ATP6V0A4: variants seen among roughly 807,000 people sequenced by gnomAD.
ATP6V0A4 encodes the protein ATPase H+ transporting V0 subunit a4.
ATP6V0A4 carries 86 observed loss-of-function variants against 107.3 expected under a neutral mutation model. The ratio of observed to expected loss-of-function variants is 0.80; its 90% CI spans 0.67 to 0.96. ATP6V0A4 has a LOEUF of 0.96. Among genes scored for constraint, ATP6V0A4 ranks in the 40% least tolerant of loss-of-function variants. The pLI is 0.00. For missense variants in ATP6V0A4, 908 were observed against 1,045.6 expected, an observed-to-expected ratio of 0.87 and a Z score of 1.81; for synonymous variants, 353 against 381.4, an observed-to-expected ratio of 0.93 and a Z score of 0.87.
chr7:138,709,257 A>G (rs945487253), intron 21 of ATP6V0A4, among the ~76,000 whole-genome samples: 2 of 151,044 alleles, frequency 1.3e-5, no homozygotes, highest in Non-Finnish European at 1.5e-5. Context: ...TTTTCTAAGC[A>G]TGTCTTCTGT....
intron 13 of ATP6V0A4, among the ~76,000 whole-genome samples, chr7:138,746,754 A>G (rs142459198): frequency 0.011 from 1,668 of 152,128 alleles, 35 homozygotes; most frequent in African/African-American, 0.038. Context: ...CCCACCCACC[A>G]TGGCCTCCCA....
chr7:138,707,638 G>A lies in ATP6V0A4; in HGVS notation c.2430-921C>T, dbSNP rs528139391. On this transcript the variant is annotated intron_variant, in intron 21 of 21. Transcript: ENST00000310018. Reference sequence around the variant, plus strand: ...GCTGGTCTCGAACTCCTGACCTCAGGTGATCCACACACCTCAGCCTCCCAA... The same window carrying A: ...GCTGGTCTCGAACTCCTGACCTCAGATGATCCACACACCTCAGCCTCCCAA... 2.5e-3 allele frequency among the ~76,000 whole-genome samples: 383 copies of A among 151,214 alleles called. 4 individuals are homozygous for A. Among genetic ancestry groups the A allele is most frequent in the Non-Finnish European group, 2.3e-3 (156 of 67,918 alleles).
At chr7:138,759,196 A>C (rs1282106800) in intron 8 of ATP6V0A4, among the ~76,000 whole-genome samples, 3 of 151,296 alleles carry the variant, frequency 2.0e-5, no homozygotes, top group African/African-American at 4.9e-5. Flanking sequence ...AGTAGCTGGG[A>C]CTACCGGTGT....
intron 17 of ATP6V0A4, among the ~76,000 whole-genome samples, chr7:138,731,831 C>T (rs893217118): frequency 6.6e-6 from 1 of 151,332 alleles, no homozygotes; most frequent in African/African-American, 2.4e-5. Context: ...AGGCGGAGGT[C>T]GCAATGAGCC....
At chr7:138,775,004 TTGCCC>T (rs1807593619) in intron 2 of ATP6V0A4, among the ~76,000 whole-genome samples, 2 of 152,054 alleles carry the variant, frequency 1.3e-5, no homozygotes, top group Non-Finnish European at 2.9e-5. Flanking sequence ...TGCATTTCTC[TTGCCC>T]AGGGGTGCGG....
chr7:138,749,801 T>C (rs991517345), intron 11 of ATP6V0A4, among the ~76,000 whole-genome samples: 3 of 152,142 alleles, frequency 2.0e-5, no homozygotes, highest in Admixed American at 6.5e-5. Context: ...TCCCTGCCCC[T>C]TCAGCAGAGC....
intron 20 of ATP6V0A4, among the ~76,000 whole-genome samples, chr7:138,710,058 C>T (rs1014875934): frequency 2.6e-5 from 4 of 152,008 alleles, no homozygotes; most frequent in African/African-American, 9.7e-5. Flanking sequence ...CAGGTTCTCA[C>T]TGTGTCACCC....
At chr7:138,744,972 G>A in intron 14 of ATP6V0A4, 151 bp downstream of exon 14, 2 of 774,648 alleles carry the variant, frequency 2.6e-6, no homozygotes, top group South Asian at 2.9e-5. Context: ...CAGAGCACTG[G>A]GATTACAGGC....
intron 8 of ATP6V0A4, among the ~76,000 whole-genome samples, chr7:138,759,255 A>C (rs979193204): frequency 1.3e-5 from 2 of 150,994 alleles, no homozygotes; most frequent in African/African-American, 4.9e-5. Flanking sequence ...TTTTCTTGCT[A>C]TGTTGCCCAG....
At chr7:138,737,115 A>ATATATATATATATATCTATATATATATAT (rs540225443) in intron 15 of ATP6V0A4, among the ~76,000 whole-genome samples, 1 of 86,718 alleles carries the variant, frequency 1.2e-5, no homozygotes, top group Non-Finnish European at 2.1e-5. Flanking sequence ...AGCCCTTATT[A>ATATATATATATATATCTATATATATATAT]ATATATATAT....
Position 138,798,191 on chromosome 7 carries a change from C to G in ATP6V0A4, c.-278G>C, listed in dbSNP as rs1417734001. ...TCCACTCGGCTTGCTCGGCAGGTAG[C>G]GTTATGAGCTTTATTCATGGCCAGG... On this transcript the variant is annotated 5_prime_UTR_variant, in exon 1 of 22. Transcript: ENST00000310018. 1 of 1,585,394 alleles carries G rather than the reference C, an allele frequency of 6.3e-7. No individual in the cohort carries two copies. The highest frequency in any genetic ancestry group is 1.8e-5 in the Admixed American group (1 of 54,854).
chr7:138,726,981 G>C (rs34093718), intron 18 of ATP6V0A4, among the ~76,000 whole-genome samples: 2,971 of 152,116 alleles, frequency 0.02, 45 homozygotes, highest in Non-Finnish European at 0.028. Context: ...TTACAGTCCT[G>C]GAACTCAGGA....
At chr7:138,731,872 G>A (rs1185105063) in intron 17 of ATP6V0A4, among the ~76,000 whole-genome samples, 1 of 151,634 alleles carries the variant, frequency 6.6e-6, no homozygotes, top group Non-Finnish European at 1.5e-5. Flanking sequence ...CAGCCTGGGT[G>A]ACAGAGTGGG....
Position 138,727,266 on chromosome 7 carries a change from AG to A in ATP6V0A4, c.2010+1494del, listed in dbSNP as rs768352912. On this transcript the variant is annotated intron_variant, in intron 18 of 21. Coordinates refer to ENST00000310018, the MANE Select transcript of ATP6V0A4 (RefSeq NM_020632.3). Reference sequence around the variant, plus strand: ...TGAATAGCCACTGCACTCTGGCCTCAGAGACAGAGAGAGACCTTGTCTCTAG... The same window carrying A: ...TGAATAGCCACTGCACTCTGGCCTCAAGACAGAGAGAGACCTTGTCTCTAG... 3.3e-5 allele frequency among the ~76,000 whole-genome samples: 5 copies of A among 152,220 alleles called. No individual in the cohort carries two copies. In the East Asian group the frequency reaches 5.8e-4, roughly 18 times the overall value.
intron 1 of ATP6V0A4, among the ~76,000 whole-genome samples, chr7:138,794,064 C>T (rs569532268): frequency 6.6e-6 from 1 of 152,326 alleles, no homozygotes; most frequent in East Asian, 1.9e-4. Context: ...AGACCCATCA[C>T]TGAAGGGCAG....
At chr7:138,768,448 A>G (rs1807202230) in intron 5 of ATP6V0A4, among the ~76,000 whole-genome samples, 1 of 152,158 alleles carries the variant, frequency 6.6e-6, no homozygotes. Context: ...GCCCACACTC[A>G]GCCCATTCAG....
chr7:138,751,041 C>T (rs1170133165), intron 11 of ATP6V0A4, among the ~76,000 whole-genome samples: 4 of 152,058 alleles, frequency 2.6e-5, no homozygotes, highest in Admixed American at 6.6e-5. Flanking sequence ...CTATCAATGC[C>T]GCCTGCTCAG....
intron 15 of ATP6V0A4, among the ~76,000 whole-genome samples, chr7:138,739,059 A>G (rs1168799967): frequency 2.6e-5 from 4 of 152,236 alleles, no homozygotes; most frequent in African/African-American, 9.6e-5. Flanking sequence ...AGATAGATAT[A>G]ACAAACATAA....
chr7:138,788,811 C>T (rs887817375), intron 1 of ATP6V0A4, among the ~76,000 whole-genome samples: 154 of 152,194 alleles, frequency 1.0e-3, no homozygotes, highest in African/African-American at 3.6e-3. Flanking sequence ...CCTTCACACG[C>T]TTTCTTGCCT....
Sources: gnomAD v4.1 joint callset for allele counts (sites outside exome capture counted in the v4.1 genomes callset) on GRCh38, gnomAD v4.1.1 for gene constraint, MANE v1.5 for transcripts, NCBI Gene and HGNC (gene_info 2026-07-23, HGNC 2026-07-21) for gene names.